DDAH1: variants seen among roughly 807,000 people sequenced by gnomAD.
DDAH1 encodes the protein dimethylarginine dimethylaminohydrolase 1, also known as N(G),N(G)-dimethylarginine dimethylaminohydrolase 1.
A neutral mutation model predicts 28.8 loss-of-function variants in DDAH1; 19 were observed. The ratio of observed to expected loss-of-function variants is 0.66; its 90% confidence interval spans 0.46 to 0.97. DDAH1 has a LOEUF of 0.97. DDAH1 is among the 50% of genes least tolerant of loss of function. The probability of loss-of-function intolerance (pLI) is 0.00; values close to 1 mark genes in which losing one functional copy is unlikely to be tolerated. For missense variants in DDAH1, 326 were observed against 375.9 expected, an observed-to-expected ratio of 0.87 and a Z score of 1.10; for synonymous variants, 153 against 154.4, an observed-to-expected ratio of 0.99 and a Z score of 0.07.
chr1:85,498,701 T>C (rs1656684463), intron 1 of DDAH1, among the ~76,000 whole-genome samples: 1 of 152,118 alleles, frequency 6.6e-6, no homozygotes, highest in Admixed American at 6.6e-5. Context: ...GGCAGATCAC[T>C]TGAGGTCAGG....
intron 1 of DDAH1, among the ~76,000 whole-genome samples, chr1:85,404,127 AG>A (rs958619842): frequency 6.6e-6 from 1 of 152,226 alleles, no homozygotes; most frequent in African/African-American, 2.4e-5. Context: ...AAGAAAAAAA[AG>A]GCTTATGGAA....
chr1:85,370,315 T>C (rs556351143), intron 1 of DDAH1, among the ~76,000 whole-genome samples: 6 of 152,340 alleles, frequency 3.9e-5, no homozygotes, highest in African/African-American at 1.4e-4. Flanking sequence ...CCTCCAGCAT[T>C]GTGAGAAAAT....
Position 85,464,518 on chromosome 1 carries a change from A to C in DDAH1, c.303+225T>G. 24 of 1,469,240 alleles carry C rather than the reference A, an allele frequency of 1.6e-5. No homozygotes were observed. The highest frequency in any genetic ancestry group is 8.5e-5 in the East Asian group (3 of 35,184). The allele number at this position is 1,469,240 out of a possible 1,614,324, so 91.0% of individuals were successfully genotyped here. A position where few individuals can be genotyped will look rare whatever the true frequency, so the allele number is the denominator to read the frequency against. ...CACCTGCCCGAGACCGTACAACCAC[A>C]TTGAATCGGATCCTCCAGAAGGCTG... On this transcript the variant is annotated intron_variant, in intron 1 of 5. Transcript: ENST00000284031. The surrounding 1 kb of genome is among the most constrained non-coding windows in gnomAD (Gnocchi z 4.4).
chr1:85,363,550 T>G (rs1394693240), intron 1 of DDAH1, among the ~76,000 whole-genome samples: 1 of 152,168 alleles, frequency 6.6e-6, no homozygotes, highest in Non-Finnish European at 1.5e-5. Context: ...AGTGAGATGG[T>G]TTCATCTCCC....
intron 2 of DDAH1, among the ~76,000 whole-genome samples, chr1:85,475,402 C>A (rs1415794399): frequency 6.6e-6 from 1 of 152,120 alleles, no homozygotes; most frequent in Non-Finnish European, 1.5e-5. Context: ...AAGGTTACTC[C>A]CTTTCCTCTT....
chr1:85,513,446 G>T (rs1041150810), intron 1 of DDAH1, among the ~76,000 whole-genome samples: 7 of 152,174 alleles, frequency 4.6e-5, no homozygotes, highest in Non-Finnish European at 1.0e-4. Context: ...CATGGGCAAA[G>T]ACTTCATGAC....
At chr1:85,480,260 A>C (rs987156793) in intron 2 of DDAH1, among the ~76,000 whole-genome samples, 4 of 152,164 alleles carry the variant, frequency 2.6e-5, no homozygotes, top group African/African-American at 7.2e-5. Flanking sequence ...CCACACCAAA[A>C]TATATGTGCT....
chr1:85,465,127 G>C lies in DDAH1; in HGVS notation c.-82C>G, dbSNP rs1205911856. The C allele has an allele frequency of 2.0e-5, 23 of 1,173,018 alleles. No homozygotes were observed. The highest frequency in any genetic ancestry group is 2.4e-5 in the Non-Finnish European group (23 of 951,150). The allele number at this position is 1,173,018 out of a possible 1,614,324, so 72.7% of individuals were successfully genotyped here. A position where few individuals can be genotyped will look rare whatever the true frequency, so the allele number is the denominator to read the frequency against. On this transcript the variant is annotated 5_prime_UTR_variant, in exon 1 of 6. Transcript: ENST00000284031. ...GGCAGCGCGCGCTGAGCCTGCGAGC[G>C]CCCGTCGGCTCCTCTTGGCAGCCGC...
chr1:85,324,771 C>G lies in DDAH1; in HGVS notation c.710G>C (p.Arg237Pro). The change falls in exon 5 of 6, where the codon CGA becomes CCA. Residue 237 changes from arginine to proline, a missense_variant. By Grantham distance (103) the Arg-to-Pro change is moderately radical. Transcript: ENST00000284031. Reference protein sequence around the residue: ...IPNKGHVLLHRTPEEYPESAK... With the variant: ...IPNKGHVLLHPTPEEYPESAK... ...ACTTTCTGGATACTCTTCCGGGGTT[C>G]GGTGCAGCAAGACGTGCCCTTTGTT... 1 of 1,614,036 alleles carries G rather than the reference C, an allele frequency of 6.2e-7. No homozygotes were observed. The highest frequency in any genetic ancestry group is 8.5e-7 in the Non-Finnish European group (1 of 1,180,000).
intron 1 of DDAH1, among the ~76,000 whole-genome samples, chr1:85,412,361 A>C (rs1652689543): frequency 1.3e-5 from 2 of 152,204 alleles, no homozygotes; most frequent in Admixed American, 1.3e-4. Flanking sequence ...ACAATTGTTC[A>C]TCTGCCTCTT....
chr1:85,498,030 T>G (rs1656661205), intron 1 of DDAH1, among the ~76,000 whole-genome samples: 1 of 152,230 alleles, frequency 6.6e-6, no homozygotes, highest in African/African-American at 2.4e-5. Context: ...GAAGGAAATA[T>G]ATCTCTTCAA....
chr1:85,444,987 A>T (rs1654368437), intron 1 of DDAH1, among the ~76,000 whole-genome samples: 1 of 152,222 alleles, frequency 6.6e-6, no homozygotes, highest in Non-Finnish European at 1.5e-5. Flanking sequence ...AAGAACTTGG[A>T]GTCCAATGTT....
At chr1:85,434,437 C>T (rs1309284777) in intron 1 of DDAH1, among the ~76,000 whole-genome samples, 1 of 150,958 alleles carries the variant, frequency 6.6e-6, no homozygotes, top group Non-Finnish European at 1.5e-5. Flanking sequence ...TTTTTTGAGA[C>T]AGGGTGTCTC....
intron 2 of DDAH1, among the ~76,000 whole-genome samples, chr1:85,484,340 T>C (rs1351616081): frequency 2.0e-5 from 3 of 152,084 alleles, no homozygotes; most frequent in African/African-American, 4.8e-5. Flanking sequence ...TTATGTGTAA[T>C]GTCTGAGCTC....
At chr1:85,353,078 G>A (rs1197639250) in intron 2 of DDAH1, among the ~76,000 whole-genome samples, 1 of 152,078 alleles carries the variant, frequency 6.6e-6, no homozygotes, top group Non-Finnish European at 1.5e-5. Flanking sequence ...AACATCAAAA[G>A]ATACCTATGT....
intron 1 of DDAH1, among the ~76,000 whole-genome samples, chr1:85,428,730 T>G (rs755118712): frequency 6.6e-6 from 1 of 152,104 alleles, no homozygotes; most frequent in Non-Finnish European, 1.5e-5. Context: ...GCAGCATGCC[T>G]GTTTACTCCT....
chr1:85,491,043 A>ACTCT lies in DDAH1; in HGVS notation c.-7+5122_-7+5123insAGAG, dbSNP rs1557686884. ...TCTTCTAATGACAACAGTAACATGT[A>ACTCT]TTCTTTTTTTTTTTTTTTTTTTTGA... On this transcript the variant is annotated intron_variant, in intron 2 of 6. Transcript: ENST00000426972. 1.3e-4 allele frequency among the ~76,000 whole-genome samples: 10 copies of ACTCT among 79,338 alleles called. 1 individual carries two copies. Among genetic ancestry groups the ACTCT allele is most frequent in the South Asian group, 4.5e-4 (1 of 2,204 alleles). The allele number at this position is 79,338 out of a possible 152,430, so 52.0% of individuals were successfully genotyped here.
chr1:85,381,295 T>C (rs1650973876), intron 1 of DDAH1, among the ~76,000 whole-genome samples: 1 of 152,100 alleles, frequency 6.6e-6, no homozygotes, highest in South Asian at 2.1e-4. Context: ...TTTTTGTTTT[T>C]TGTTTTTTTG....
At chr1:85,561,417 T>C (rs1659137724) in intron 1 of DDAH1, among the ~76,000 whole-genome samples, 1 of 151,768 alleles carries the variant, frequency 6.6e-6, no homozygotes, top group Non-Finnish European at 1.5e-5. Context: ...ACTATTAGGT[T>C]GGTGCAAAAG....
Sources: allele counts gnomAD v4.1 joint callset (sites outside exome capture counted in the v4.1 genomes callset), GRCh38; gene constraint gnomAD v4.1.1; non-coding constraint Gnocchi (gnomAD v3.1); transcripts MANE v1.5; gene names NCBI Gene and HGNC (gene_info 2026-07-23, HGNC 2026-07-21).